The following SH3GL3 variants were observed in gnomAD, a reference collection of about 807,000 sequenced individuals.
SH3GL3 encodes SH3 domain containing GRB2 like 3, endophilin A3.
In SH3GL3, 33 loss-of-function variants were observed where a neutral mutation model predicts 47.7. The observed-to-expected ratio is 0.69, with a 90% confidence interval of 0.52 to 0.92. The LOEUF (loss-of-function observed/expected upper bound fraction) is 0.92. Among genes scored for constraint, SH3GL3 ranks in the 40% least tolerant of loss-of-function variants. The pLI is 0.00. For missense variants in SH3GL3, 363 were observed against 417.8 expected (o/e 0.87, Z 1.14); for synonymous variants, 155 against 148.8 (o/e 1.04, Z -0.30).
chr15:83,480,344 C>A (rs1402103565), intron 1 of SH3GL3, among the ~76,000 whole-genome samples: 1 of 152,150 alleles, frequency 6.6e-6, no homozygotes, highest in African/African-American at 2.4e-5. Context: ...AAATAGCAAC[C>A]CTGTACCCAG....
intron 3 of SH3GL3, among the ~76,000 whole-genome samples, chr15:83,566,365 A>AGAGAGAGTGTGTGT (rs1459069703): frequency 7.3e-6 from 1 of 136,626 alleles, no homozygotes; most frequent in Non-Finnish European, 1.6e-5. Context: ...AGAGAGAGAG[A>AGAGAGAGTGTGTGT]GTGTGTGTGT....
At chr15:83,560,065 T>G (rs1424322149) in intron 2 of SH3GL3, among the ~76,000 whole-genome samples, 2 of 152,186 alleles carry the variant, frequency 1.3e-5, no homozygotes, top group Non-Finnish European at 1.5e-5. Flanking sequence ...ACATACTGTT[T>G]CTTTGCTCAT....
chr15:83,510,121 T>C (rs1208892633), intron 1 of SH3GL3, among the ~76,000 whole-genome samples: 1 of 152,130 alleles, frequency 6.6e-6, no homozygotes, highest in Non-Finnish European at 1.5e-5. Context: ...CAAAGTACTT[T>C]TTGTTATTCA....
chr15:83,563,248 G>A (rs1369419479), intron 2 of SH3GL3, among the ~76,000 whole-genome samples: 1 of 151,856 alleles, frequency 6.6e-6, no homozygotes, highest in African/African-American at 2.4e-5. Context: ...TTTTCCTTAT[G>A]ATTAAAGAGT....
intron 1 of SH3GL3, among the ~76,000 whole-genome samples, chr15:83,536,390 C>CTTTTA (rs750149499): frequency 9.1e-6 from 1 of 109,788 alleles, no homozygotes; most frequent in Admixed American, 8.4e-5. Context: ...TTTTCTTTTT[C>CTTTTA]TTTTCTTTTC....
At chr15:83,458,993 C>G (rs994429200) in intron 1 of SH3GL3, among the ~76,000 whole-genome samples, 1 of 152,218 alleles carries the variant, frequency 6.6e-6, no homozygotes, top group East Asian at 1.9e-4. Context: ...GTCCCCAAAC[C>G]TCAAAAGTAG....
intron 1 of SH3GL3, among the ~76,000 whole-genome samples, chr15:83,464,315 C>T (rs1485868957): frequency 6.6e-6 from 1 of 152,136 alleles, no homozygotes; most frequent in Admixed American, 6.5e-5. Context: ...CCTTCTCATG[C>T]CCTTGACTGT....
In SH3GL3 at chr15:83,521,277, G is replaced by A. The variant is rs1212890160; in HGVS notation, c.46-37976G>A. 8.5e-5 allele frequency among the ~76,000 whole-genome samples: 13 copies of A among 152,208 alleles called. No individual in the cohort carries two copies. The South Asian group carries it at 1.2e-3, about 15-fold the overall frequency. ...AGGGTCCAGTTAGGATACAGGAACC[G>A]TGCTAAGTATTTCACATGGAAGGGA... On this transcript the variant is annotated intron_variant, in intron 1 of 8. Transcript: ENST00000427482.
intron 4 of SH3GL3, among the ~76,000 whole-genome samples, chr15:83,571,953 G>A (rs905677506): frequency 2.6e-5 from 4 of 152,008 alleles, no homozygotes; most frequent in Non-Finnish European, 5.9e-5. Flanking sequence ...GCCACTACCC[G>A]AGCCAGGAAG....
chr15:83,491,420 TG>T (rs1016333178), intron 1 of SH3GL3, among the ~76,000 whole-genome samples: 1 of 152,252 alleles, frequency 6.6e-6, no homozygotes, highest in African/African-American at 2.4e-5. Flanking sequence ...TTTCTTTTTT[TG>T]CCTGCACTGT....
the SH3GL3 span, among the ~76,000 whole-genome samples, chr15:83,625,864 G>C: frequency 6.6e-6 from 1 of 151,912 alleles, no homozygotes; most frequent in African/African-American, 2.4e-5. Context: ...ATGGAGTCTT[G>C]CTCTGTCACC....
rs1267029981 is a variant in SH3GL3, at chr15:83,611,152, A to C, written c.839-6930A>C. 2.0e-5 allele frequency among the ~76,000 whole-genome samples: 3 copies of C among 151,850 alleles called. No individual in the cohort carries two copies. The East Asian group carries it at 5.8e-4, about 30-fold the overall frequency. On this transcript the variant is annotated intron_variant, in intron 8 of 8. Coordinates refer to ENST00000427482, the MANE Select transcript of SH3GL3 (RefSeq NM_003027.5). ...CATATTAATGCCAAGGGGGAAGTTCAGTTTATTTCAGGGGGGACGTGGTTT... is the reference window on the plus strand; with the variant it reads ...CATATTAATGCCAAGGGGGAAGTTCCGTTTATTTCAGGGGGGACGTGGTTT...
At chr15:83,616,918 A>G (rs1292220583) in intron 8 of SH3GL3, among the ~76,000 whole-genome samples, 1 of 152,232 alleles carries the variant, frequency 6.6e-6, no homozygotes, top group Non-Finnish European at 1.5e-5. Context: ...GAAATGTTAC[A>G]TTGTGAGAGC....
intron 4 of SH3GL3, among the ~76,000 whole-genome samples, chr15:83,572,202 A>G (rs1011047301): frequency 3.3e-5 from 5 of 152,194 alleles, no homozygotes; most frequent in Admixed American, 3.3e-4. Context: ...GAATCCTTTC[A>G]TTGTTTACAA....
At chr15:83,511,176 A>G (rs1366795264) in intron 1 of SH3GL3, among the ~76,000 whole-genome samples, 1 of 152,160 alleles carries the variant, frequency 6.6e-6, no homozygotes, top group Non-Finnish European at 1.5e-5. Flanking sequence ...CAATCGGAAG[A>G]ACGGATTAAA....
intron 1 of SH3GL3, among the ~76,000 whole-genome samples, chr15:83,508,176 G>A (rs1275134747): frequency 1.3e-5 from 2 of 151,978 alleles, no homozygotes; most frequent in South Asian, 2.1e-4. Context: ...TCCTGACCTC[G>A]TGATCTGCTT....
intron 1 of SH3GL3, among the ~76,000 whole-genome samples, chr15:83,479,588 C>A (rs575835414): frequency 2.0e-5 from 3 of 152,198 alleles, no homozygotes; most frequent in Non-Finnish European, 4.4e-5. Flanking sequence ...CCCTGCCCAT[C>A]ATTGGCTGAG....
chr15:83,468,518 C>A (rs2040681718), intron 1 of SH3GL3, among the ~76,000 whole-genome samples: 1 of 152,146 alleles, frequency 6.6e-6, no homozygotes, highest in African/African-American at 2.4e-5. Flanking sequence ...ATGCTCTTAA[C>A]CACAGTGAGG....
intron 1 of SH3GL3, among the ~76,000 whole-genome samples, chr15:83,477,404 C>T (rs2041149447): frequency 6.6e-6 from 1 of 152,138 alleles, no homozygotes; most frequent in African/African-American, 2.4e-5. Flanking sequence ...TTTCCCAGAG[C>T]TCAAAAATTA....
Sources: gnomAD v4.1 joint callset for allele counts (sites outside exome capture counted in the v4.1 genomes callset) on GRCh38, gnomAD v4.1.1 for gene constraint, MANE v1.5 for transcripts, NCBI Gene and HGNC (gene_info 2026-07-23, HGNC 2026-07-21) for gene names.